Variants in JAKMIP2 observed in about 807,000 individuals in gnomAD.
JAKMIP2 encodes the protein janus kinase and microtubule-interacting protein 2.
JAKMIP2 carries 25 observed loss-of-function variants against 115.0 expected under a neutral mutation model. The ratio of observed to expected loss-of-function variants is 0.22; its 90% CI spans 0.16 to 0.30. The LOEUF is 0.30. Among genes scored for constraint, JAKMIP2 ranks in the 10% least tolerant of loss-of-function variants. The probability of loss-of-function intolerance (pLI) is 1.00; values close to 1 mark genes in which losing one functional copy is unlikely to be tolerated. For synonymous variants in JAKMIP2, 334 were observed against 343.6 expected, an observed-to-expected ratio of 0.97 and a Z score of 0.31; for missense variants, 642 against 957.6, an observed-to-expected ratio of 0.67 and a Z score of 4.35.
intron 2 of JAKMIP2, among the ~76,000 whole-genome samples, chr5:147,669,122 G>A (rs1759452306): frequency 6.6e-6 from 1 of 152,136 alleles, no homozygotes; most frequent in Non-Finnish European, 1.5e-5. Context: ...TTCACACCTT[G>A]GCATTGTTCA....
At chr5:147,678,486 G>C (rs575752254) in intron 1 of JAKMIP2, among the ~76,000 whole-genome samples, 5 of 152,142 alleles carry the variant, frequency 3.3e-5, no homozygotes, top group Non-Finnish European at 5.9e-5. Context: ...TTTAAAAGCT[G>C]AATAGTACTT....
chr5:147,781,474 T>G (rs1755755276), intron 1 of JAKMIP2, among the ~76,000 whole-genome samples: 1 of 152,188 alleles, frequency 6.6e-6, no homozygotes, highest in Non-Finnish European at 1.5e-5. Context: ...GGTAAGATGC[T>G]AGACACAAAA....
intron 1 of JAKMIP2, among the ~76,000 whole-genome samples, chr5:147,732,062 A>G (rs1233518641): frequency 3.3e-5 from 5 of 152,240 alleles, no homozygotes; most frequent in African/African-American, 1.2e-4. Context: ...TTAAAACTAA[A>G]TATTGCCAAG....
At chr5:147,646,108 G>C (rs1758120137) in intron 5 of JAKMIP2, among the ~76,000 whole-genome samples, 1 of 152,164 alleles carries the variant, frequency 6.6e-6, no homozygotes, top group Admixed American at 6.5e-5. Flanking sequence ...GCGCACTACT[G>C]TTCTTGAGAT....
intron 17 of JAKMIP2, among the ~76,000 whole-genome samples, chr5:147,622,273 AT>A (rs1237766214): frequency 6.6e-6 from 1 of 152,238 alleles, no homozygotes; most frequent in African/African-American, 2.4e-5. Context: ...TGCACATAAC[AT>A]TTACAACCTT....
chr5:147,667,693 T>A (rs913490050), intron 2 of JAKMIP2, among the ~76,000 whole-genome samples: 4 of 152,170 alleles, frequency 2.6e-5, no homozygotes, highest in Admixed American at 2.6e-4. Context: ...CTATACAACC[T>A]TACACAATCC....
intron 1 of JAKMIP2, among the ~76,000 whole-genome samples, chr5:147,762,289 T>G (rs1023916852): frequency 2.0e-5 from 3 of 152,154 alleles, no homozygotes; most frequent in Non-Finnish European, 2.9e-5. Context: ...CCTTATTTTT[T>G]TATAGTTACA....
intron 1 of JAKMIP2, among the ~76,000 whole-genome samples, chr5:147,777,153 G>A (rs549408013): frequency 6.6e-6 from 1 of 152,180 alleles, no homozygotes; most frequent in African/African-American, 2.4e-5. Flanking sequence ...AATGACCAAG[G>A]TTAATTTAAT....
intron 7 of JAKMIP2, among the ~76,000 whole-genome samples, chr5:147,643,171 A>G: frequency 6.6e-6 from 1 of 152,148 alleles, no homozygotes; most frequent in Non-Finnish European, 1.5e-5. Flanking sequence ...GAGAGCCCTA[A>G]TACAATTATA....
intron 1 of JAKMIP2, among the ~76,000 whole-genome samples, chr5:147,703,082 A>C (rs1247205515): frequency 1.3e-5 from 2 of 152,154 alleles, no homozygotes; most frequent in Admixed American, 1.3e-4. Flanking sequence ...GGTCTCCTAT[A>C]CTTTTCTTCT....
intron 1 of JAKMIP2, among the ~76,000 whole-genome samples, chr5:147,707,996 G>GCC (rs1561550655): frequency 2.6e-5 from 4 of 152,052 alleles, no homozygotes; most frequent in Non-Finnish European, 4.4e-5. Flanking sequence ...AGAGAAGAGG[G>GCC]CAATTTAAAT....
intron 1 of JAKMIP2, among the ~76,000 whole-genome samples, chr5:147,764,902 G>C (rs1279727053): frequency 4.5e-5 from 4 of 87,942 alleles, no homozygotes; most frequent in Non-Finnish European, 7.8e-5. Flanking sequence ...AAGAAAGAAA[G>C]AAAGAAAGAA....
intron 1 of JAKMIP2, among the ~76,000 whole-genome samples, chr5:147,702,587 A>G (rs960789560): frequency 0.017 from 2,151 of 125,228 alleles, 31 homozygotes; most frequent in East Asian, 0.039. Context: ...AAGGAAAGAA[A>G]GAAAGAAAGA....
intron 16 of JAKMIP2, among the ~76,000 whole-genome samples, chr5:147,624,659 C>T (rs1479686530): frequency 6.6e-6 from 1 of 152,066 alleles, no homozygotes; most frequent in African/African-American, 2.4e-5. Context: ...GTGACCCTAC[C>T]ATATACAGGT....
intron 1 of JAKMIP2, among the ~76,000 whole-genome samples, chr5:147,676,322 C>G (rs1012401103): frequency 6.6e-6 from 1 of 152,118 alleles, no homozygotes; most frequent in Admixed American, 6.5e-5. Context: ...GGCGACAGAG[C>G]GAGACTCCGT....
chr5:147,652,775 G>A (rs753992831), intron 3 of JAKMIP2, among the ~76,000 whole-genome samples: 53 of 152,010 alleles, frequency 3.5e-4, no homozygotes, highest in Non-Finnish European at 4.1e-4. Context: ...ATGTGCCATC[G>A]TGGCTTGCTG....
intron 1 of JAKMIP2, among the ~76,000 whole-genome samples, chr5:147,764,932 G>GAAAGAAAGAAA (rs1212179194): frequency 9.0e-5 from 7 of 77,618 alleles, no homozygotes; most frequent in Admixed American, 6.0e-4. Flanking sequence ...GAGAGAGAGA[G>GAAAGAAAGAAA]AGAGAGAGAG....
At chr5:147,607,625 C>T (rs1756095993) in intron 20 of JAKMIP2, among the ~76,000 whole-genome samples, 1 of 152,090 alleles carries the variant, frequency 6.6e-6, no homozygotes, top group African/African-American at 2.4e-5. Flanking sequence ...GGATACTGGC[C>T]TGAAATTTTG....
At chr5:147,601,217 A>C (rs1338473039) in intron 21 of JAKMIP2, among the ~76,000 whole-genome samples, 1 of 152,154 alleles carries the variant, frequency 6.6e-6, no homozygotes, top group Non-Finnish European at 1.5e-5. Context: ...CTTTTCTAAT[A>C]ATCACCCAAA....
Sources: allele counts gnomAD v4.1 joint callset (sites outside exome capture counted in the v4.1 genomes callset), GRCh38; gene constraint gnomAD v4.1.1; transcripts MANE v1.5; gene names NCBI Gene and HGNC (gene_info 2026-07-23, HGNC 2026-07-21).